The following URGCP variants were observed in gnomAD, a reference collection of about 807,000 sequenced individuals.
The protein encoded by URGCP is upregulator of cell proliferation.
Under a neutral mutation model 24.6 loss-of-function variants are expected in URGCP, and 13 were observed. The ratio of observed to expected loss-of-function variants is 0.53; its 90% confidence interval spans 0.34 to 0.84. The LOEUF (loss-of-function observed/expected upper bound fraction) is 0.84, where lower values mean the gene tolerates loss of function less well. Among genes scored for constraint, URGCP ranks in the 40% least tolerant of loss-of-function variants. URGCP has a pLI of 0.01. For synonymous variants in URGCP, 444 were observed against 487.2 expected (o/e 0.91, Z 1.17); for missense variants, 899 against 1,194.3 (o/e 0.75, Z 3.64).
chr7:43,897,643 G>A (rs1459079770), intron 1 of URGCP, among the ~76,000 whole-genome samples: 2 of 152,210 alleles, frequency 1.3e-5, no homozygotes, highest in African/African-American at 4.8e-5. Context: ...TCTTATTCTA[G>A]AGGATGGGGT....
At chr7:43,923,544 T>C (rs957369788) in intron 1 of URGCP, among the ~76,000 whole-genome samples, 20 of 152,218 alleles carry the variant, frequency 1.3e-4, no homozygotes, top group South Asian at 4.1e-4. Context: ...AACCTCAGCT[T>C]CCCAAAGTGT....
At chr7:43,883,664 A>C (rs2132660466) in intron 3 of URGCP, among the ~76,000 whole-genome samples, 1 of 152,144 alleles carries the variant, frequency 6.6e-6, no homozygotes, top group Non-Finnish European at 1.5e-5. Context: ...CCCGGCCCCA[A>C]AATTTATATT....
chr7:43,894,904 G>A (rs991631804), intron 1 of URGCP, among the ~76,000 whole-genome samples: 4 of 152,068 alleles, frequency 2.6e-5, no homozygotes, highest in African/African-American at 9.7e-5. Flanking sequence ...GGTGGCTCAC[G>A]CCTGTGGTCC....
chr7:43,878,417 T>C lies in URGCP; in HGVS notation c.1046A>G (p.Lys349Arg), dbSNP rs765907741. 2 of 1,614,206 alleles carry C rather than the reference T, an allele frequency of 1.2e-6. No homozygotes were observed. Among genetic ancestry groups the C allele is most frequent in the Non-Finnish European group, 1.7e-6 (2 of 1,180,034 alleles). The change falls in exon 6 of 6, where the codon AAG becomes AGG. Residue 349 changes from lysine (K) to arginine (R), a missense_variant. Lys to Arg is a conservative substitution (Grantham distance 26). Transcript: ENST00000453200. This position sits in a 1 kb window ranked among gnomAD's most constrained non-coding sequence, Gnocchi z 5.6. ...AGCGGAGGAGATTTCTGTCAAGAGC[T>C]TAAACTGCAGCCAGTGAGACCCGAT... ...GDIGSHWLQF[K>R]LLTEISSAVF...
chr7:43,891,737 A>ATCCAAG (rs2095871025), intron 1 of URGCP, among the ~76,000 whole-genome samples: 1 of 152,080 alleles, frequency 6.6e-6, no homozygotes, highest in South Asian at 2.1e-4. Context: ...TGCCTCAGCC[A>ATCCAAG]TCCAAGTAGC....
At chr7:43,905,470 G>C (rs528998987) in intron 1 of URGCP, among the ~76,000 whole-genome samples, 2 of 152,248 alleles carry the variant, frequency 1.3e-5, no homozygotes, top group Admixed American at 6.5e-5. Flanking sequence ...ACAGCAGGCG[G>C]GGTTCAAATT....
At chr7:43,899,059 G>A (rs962752456) in intron 1 of URGCP, among the ~76,000 whole-genome samples, 5 of 149,596 alleles carry the variant, frequency 3.3e-5, no homozygotes, top group African/African-American at 4.9e-5. Flanking sequence ...GCTTGATCCC[G>A]GGAGGCGGAG....
intron 3 of URGCP, 31 bp from the exon 4 acceptor site, chr7:43,881,988 G>A (rs760052482): frequency 6.2e-7 from 1 of 1,613,778 alleles, no homozygotes; most frequent in Non-Finnish European, 8.5e-7. Flanking sequence ...AATACATTTA[G>A]TTTCATCAGC....
At chr7:43,907,382 C>G (rs2095905187), upstream of URGCP, among the ~76,000 whole-genome samples, 1 of 152,142 alleles carries the variant, frequency 6.6e-6, no homozygotes, top group Admixed American at 6.5e-5. Context: ...TCTGTAATCC[C>G]ACCACTTTGG....
intron 1 of URGCP, among the ~76,000 whole-genome samples, chr7:43,890,436 T>A (rs1338468970): frequency 6.7e-6 from 1 of 150,174 alleles, no homozygotes; most frequent in African/African-American, 2.5e-5. Context: ...CAGGATGGTC[T>A]CGATCTCCTG....
chr7:43,924,216 C>T (rs564978178), intron 1 of URGCP, among the ~76,000 whole-genome samples: 1 of 152,092 alleles, frequency 6.6e-6, no homozygotes, highest in Non-Finnish European at 1.5e-5. Context: ...AAAATTATTT[C>T]AATGTTAAAA....
intron 1 of URGCP, among the ~76,000 whole-genome samples, chr7:43,925,798 C>CTTTTTTTTTTT (rs60736722): frequency 0.043 from 5,050 of 116,148 alleles, 319 homozygotes; most frequent in Non-Finnish European, 0.067. Context: ...CCTCGTCTGG[C>CTTTTTTTTTTT]TTTTTTTTTT....
At chr7:43,919,849 TCTCCTCACTCTTCTAGAGAACCTGTC>T in intron 1 of URGCP, 1 of 1,277,708 alleles carries the variant, frequency 7.8e-7, no homozygotes, top group East Asian at 2.3e-5. Context: ...CACACCAGCA[TCTCCTCACTCTTCTAGAGAACCTGTC>T]GCCAATATGA....
Position 43,892,430 on chromosome 7 carries a change from T to C in URGCP, c.15-4614A>G, listed in dbSNP as rs576550243. On this transcript the variant is annotated intron_variant, in intron 1 of 5. Transcript: ENST00000453200. ...CACCGCGAACAGCCCCAATTTTTTT[T>C]TTTTTAACTCACCAGTTTGTGGTAC... Among the ~76,000 whole-genome samples, 60 of 152,068 alleles carry C rather than the reference T, an allele frequency of 3.9e-4. 1 individual carries two copies. In the South Asian group the frequency reaches 0.011, roughly 27 times the overall value.
chr7:43,880,320 C>T (rs1171942898), intron 5 of URGCP, among the ~76,000 whole-genome samples: 1 of 152,218 alleles, frequency 6.6e-6, no homozygotes, highest in East Asian at 1.9e-4. Flanking sequence ...TCACCCTATA[C>T]AATATAAGAT....
At position 43,877,343 on chromosome 7, in the gene URGCP, G is replaced by A. The variant is rs2095846321; in HGVS notation, c.2120C>T (p.Thr707Ile). 3 of 1,612,736 alleles carry A rather than the reference G, an allele frequency of 1.9e-6. No homozygotes were observed. Among genetic ancestry groups the A allele is most frequent in the African/African-American group, 1.3e-5 (1 of 75,062 alleles). ...CAGCCCAAACATGGTGTTGAGGAGT[G>A]TGGACTTGCCCGTGCCTGGCACCCC... ...TVGVPGTGKS[T>I]LLNTMFGLRF... is the part of the protein sequence containing the mutation. The change falls in exon 6 of 6, where the codon ACA (threonine) becomes ATA (isoleucine). Residue 707 changes from threonine (T) to isoleucine (I), a missense_variant. Transcript: ENST00000453200.
intron 5 of URGCP, 68 bp downstream of exon 5, chr7:43,881,591 G>T: frequency 1.2e-6 from 2 of 1,609,284 alleles, no homozygotes; most frequent in Admixed American, 1.7e-5. Flanking sequence ...AGTCAGGTGT[G>T]GGAACTGCTG....
rs372395023 is a variant in URGCP, at chr7:43,876,979, G to A, written c.2484C>T (p.Pro828=). 1.5e-4 allele frequency: 243 copies of A among 1,614,040 alleles called. No homozygotes were observed. Among genetic ancestry groups the A allele is most frequent in the Non-Finnish European group, 1.7e-4 (200 of 1,180,042 alleles). The part of the protein sequence containing the change: ...VYQNLHDVSV[P]GPRPRDKRQL... Reference sequence around the variant, plus strand: ...GTCTCTTGTCTCTGGGCCTAGGGCCGGGAACAGATACATCATGAAGGTTCT... The same window carrying A: ...GTCTCTTGTCTCTGGGCCTAGGGCCAGGAACAGATACATCATGAAGGTTCT... Residue 828 remains proline (P), a synonymous_variant, in exon 6 of 6, where the codon CCC becomes CCT. Transcript: ENST00000453200.
rs748486834 is a variant in URGCP at position 43,878,047 on chromosome 7, C to T, written c.1416G>A (p.Ala472=). 5.6e-5 allele frequency: 90 copies of T among 1,614,110 alleles called. No homozygotes were observed. The highest frequency in any genetic ancestry group is 6.9e-5 in the Non-Finnish European group (82 of 1,180,054). ...VDEDCEECQK[A]KDRMERITRK... ...TGGTAATCCTCTCCATCCGGTCTTT[C>T]GCTTTCTGACACTCCTCACAGTCCT... Residue 472 remains alanine (A), a synonymous_variant, in exon 6 of 6, where the codon GCG becomes GCA. Transcript: ENST00000453200. The surrounding 1 kb of genome is among the most constrained non-coding windows in gnomAD (Gnocchi z 5.6).
Sources: gnomAD v4.1 joint callset for allele counts (sites outside exome capture counted in the v4.1 genomes callset) on GRCh38, gnomAD v4.1.1 for gene constraint, Gnocchi (gnomAD v3.1) non-coding constraint, MANE v1.5 for transcripts, NCBI Gene and HGNC (gene_info 2026-07-23, HGNC 2026-07-21) for gene names.